The following ADHFE1 variants were observed in gnomAD, a reference collection of about 807,000 sequenced individuals.
ADHFE1 encodes hydroxyacid-oxoacid transhydrogenase, mitochondrial.
A neutral mutation model predicts 54.8 loss-of-function variants in ADHFE1; 37 were observed. The observed-to-expected ratio is 0.68, with a 90% CI of 0.52 to 0.89. ADHFE1 has a LOEUF of 0.89. ADHFE1 is among the 40% of genes least tolerant of loss of function. ADHFE1 has a pLI of 0.00. For missense variants in ADHFE1, 601 were observed against 591.2 expected, an observed-to-expected ratio of 1.02 and a Z score of -0.17; for synonymous variants, 203 against 229.3, an observed-to-expected ratio of 0.89 and a Z score of 1.04.
At chr8:66,463,622 G>C (rs1460603307) in intron 13 of ADHFE1, among the ~76,000 whole-genome samples, 6 of 152,124 alleles carry the variant, frequency 3.9e-5, no homozygotes, top group Non-Finnish European at 8.8e-5. Context: ...TTGTTTGTTT[G>C]ATGGCAGTGA....
In ADHFE1 at chr8:66,444,723, G is replaced by A. The variant is rs1411536374; in HGVS notation, c.328G>A (p.Val110Met). The A allele has an allele frequency of 5.0e-6, 8 of 1,614,086 alleles. No homozygotes were observed. The highest frequency in any genetic ancestry group is 2.2e-5 in the South Asian group (2 of 91,074). ...CATCCCCTTTACGGTTTATGATAAT[G>A]TGAGAGTGGAACCAACGGATTCAAG... ...NGIPFTVYDN[V>M]RVEPTDSSFM... Residue 110 changes from valine (V) to methionine (M), a missense_variant, in exon 5 of 14, where the codon GTG (valine) becomes ATG (methionine). Coordinates refer to ENST00000396623, the MANE Select transcript of ADHFE1 (RefSeq NM_144650.3).
chr8:66,446,560 T>C lies in ADHFE1; in HGVS notation c.551-704T>C, dbSNP rs59891340. ...CATGTTAACAAAGACACAGAAGTCA[T>C]ACATGCATGTTAACACAGGTACAGA... On this transcript the variant is annotated intron_variant, in intron 6 of 13. Transcript: ENST00000396623. Among the ~76,000 whole-genome samples, 819 of 152,288 alleles carry C rather than the reference T, an allele frequency of 5.4e-3. 5 individuals are homozygous for C. Among genetic ancestry groups the C allele is most frequent in the African/African-American group, 0.019 (780 of 41,546 alleles).
chr8:66,460,636 G>A (rs1170209641), intron 13 of ADHFE1, among the ~76,000 whole-genome samples, 171 bp downstream of exon 13: 7 of 152,186 alleles, frequency 4.6e-5, no homozygotes, highest in African/African-American at 1.4e-4. Context: ...ACAGGGCCAG[G>A]CCCTCGCCTT....
intron 13 of ADHFE1, among the ~76,000 whole-genome samples, chr8:66,463,295 C>T (rs1393866373): frequency 2.0e-5 from 3 of 152,140 alleles, no homozygotes. Context: ...CTTAATTGGA[C>T]AAAACCAATT....
At chr8:66,453,842 T>A in intron 9 of ADHFE1, 1 of 1,438,476 alleles carries the variant, frequency 7.0e-7, no homozygotes, top group South Asian at 1.2e-5. Flanking sequence ...GCTGACAGCG[T>A]ATTTATTATG....
chr8:66,438,890 TGTAG>T (rs1805599494), intron 1 of ADHFE1, among the ~76,000 whole-genome samples: 1 of 148,558 alleles, frequency 6.7e-6, no homozygotes, highest in South Asian at 2.2e-4. Context: ...TGGCGGGGGG[TGTAG>T]GGAGGAAGCA....
intron 3 of ADHFE1, 122 bp downstream of exon 3, chr8:66,442,966 T>G: frequency 1.1e-6 from 1 of 876,688 alleles, no homozygotes; most frequent in Non-Finnish European, 1.7e-6. Context: ...CCATAATCTC[T>G]ATTTGATCAG....
chr8:66,433,285 G>A (rs920397092), intron 1 of ADHFE1, among the ~76,000 whole-genome samples: 1 of 152,212 alleles, frequency 6.6e-6, no homozygotes, highest in African/African-American at 2.4e-5. Flanking sequence ...GGCGAGGAAC[G>A]TCAGGCAGAG....
At chr8:66,467,626 C>T (rs1807266489) in intron 13 of ADHFE1, among the ~76,000 whole-genome samples, 1 of 152,058 alleles carries the variant, frequency 6.6e-6, no homozygotes, top group Non-Finnish European at 1.5e-5. Context: ...ATGCAGGTGC[C>T]AGGGGAGTCA....
chr8:66,462,933 T>G lies in ADHFE1; in HGVS notation c.1320+2468T>G, dbSNP rs150817809. Among the ~76,000 whole-genome samples the G allele has an allele frequency of 5.8e-3, 886 of 152,236 alleles. 6 individuals are homozygous for G. The highest frequency in any genetic ancestry group is 0.021 in the African/African-American group (860 of 41,528). On this transcript the variant is annotated intron_variant, in intron 13 of 13. Transcript: ENST00000396623. ...GCCTGCCGGGTTCAAGTGATTCTCC[T>G]GCCTCAGCCTCCCGAGTAGCTGGTA... is the stretch of plus-strand genomic sequence containing the variant.
At position 66,468,846 on chromosome 8, in the gene ADHFE1, A is replaced by C. The variant is rs925032859; in HGVS notation, c.*494A>C. The C allele has an allele frequency of 2.0e-5, 3 of 152,990 alleles. No individual in the cohort carries two copies. Among genetic ancestry groups the C allele is most frequent in the African/African-American group, 7.2e-5 (3 of 41,456 alleles). The allele number at this position is 152,990 out of a possible 1,614,324, so 9.5% of individuals were successfully genotyped here. A position where few individuals can be genotyped will look rare whatever the true frequency, so the allele number is the denominator to read the frequency against. ...CATTATTGGTATATAGATCACTTAT[A>C]GTATACTAGACAGTGGAATACTATG... On this transcript the variant is annotated 3_prime_UTR_variant, in exon 14 of 14. Transcript: ENST00000396623.
At position 66,468,380 on chromosome 8, in the gene ADHFE1, C is replaced by T; in HGVS notation, c.*28C>T. 6.3e-7 allele frequency: 1 copy of T among 1,589,172 alleles called. No homozygotes were observed. Among genetic ancestry groups the T allele is most frequent in the Non-Finnish European group, 8.6e-7 (1 of 1,162,178 alleles). On this transcript the variant is annotated 3_prime_UTR_variant, in exon 14 of 14. Coordinates refer to ENST00000396623, the MANE Select transcript of ADHFE1 (RefSeq NM_144650.3). ...GTCATTTTAACTGAAAGAATTACCG[C>T]TGGCCATTGTAGTGCTGAGAGCAAG...
At chr8:66,448,717 C>G in intron 7 of ADHFE1, 148 bp from the exon 8 acceptor site, 1 of 756,658 alleles carries the variant, frequency 1.3e-6, no homozygotes, top group South Asian at 1.8e-5. Flanking sequence ...CTCTAAATCA[C>G]TTTCCATTGC....
intron 13 of ADHFE1, among the ~76,000 whole-genome samples, chr8:66,463,258 A>G (rs76458262): frequency 0.031 from 4,691 of 152,330 alleles, 139 homozygotes; most frequent in African/African-American, 0.054. Context: ...TGCACATGCA[A>G]TACTGGGAAA....
At chr8:66,454,267 A>G in intron 10 of ADHFE1, 110 bp downstream of exon 10, 1 of 1,069,918 alleles carries the variant, frequency 9.3e-7, no homozygotes, top group Non-Finnish European at 1.3e-6. Context: ...TAGAAGGAAG[A>G]AATTTAACTT....
At chr8:66,440,591 C>T (rs1421996653) in intron 2 of ADHFE1, among the ~76,000 whole-genome samples, 1 of 151,974 alleles carries the variant, frequency 6.6e-6, no homozygotes, top group Non-Finnish European at 1.5e-5. Context: ...AAGGTGGTTC[C>T]TAGAAAGAAA....
Position 66,457,092 on chromosome 8 carries a change from T to C in ADHFE1, c.1088T>C (p.Leu363Pro). ...PLVPHGLSVV[L>P]TSPAVFTFTA... ...CAGCCCCATGGCCTTTCTGTGGTGC[T>C]CACGTCCCCAGCGGTGTTCACTTTC... The change falls in exon 12 of 14, where the codon CTC becomes CCC. Residue 363 changes from leucine (L) to proline (P), a missense_variant. Leu to Pro is a moderately conservative substitution (Grantham distance 98, BLOSUM62 -3). Coordinates refer to ENST00000396623, the MANE Select transcript of ADHFE1 (RefSeq NM_144650.3). The C allele has an allele frequency of 6.2e-7, 1 of 1,613,784 alleles. No individual in the cohort carries two copies. Among genetic ancestry groups the C allele is most frequent in the Non-Finnish European group, 8.5e-7 (1 of 1,179,788 alleles).
chr8:66,453,984 C>A, intron 9 of ADHFE1, 75 bp from the exon 10 acceptor site: 1 of 1,560,782 alleles, frequency 6.4e-7, no homozygotes, highest in Non-Finnish European at 8.7e-7. Flanking sequence ...CCATATCTTT[C>A]CCTAAGGCAG....
At chr8:66,434,769 G>A (rs1011463222) in intron 1 of ADHFE1, among the ~76,000 whole-genome samples, 31 of 152,234 alleles carry the variant, frequency 2.0e-4, no homozygotes, top group African/African-American at 7.5e-4. Context: ...GGCGTGCACT[G>A]GCCAGAGAGG....
Sources: gnomAD v4.1 joint callset for allele counts (sites outside exome capture counted in the v4.1 genomes callset) on GRCh38, gnomAD v4.1.1 for gene constraint, MANE v1.5 for transcripts, NCBI Gene and HGNC (gene_info 2026-07-23, HGNC 2026-07-21) for gene names.